Variants in GRM7 observed in about 807,000 individuals in gnomAD.
GRM7 encodes glutamate metabotropic receptor 7, also known as metabotropic glutamate receptor 7.
A neutral mutation model predicts 84.5 loss-of-function variants in GRM7; 35 were observed. That is an observed-to-expected ratio of 0.41 (90% CI 0.32 to 0.55). The LOEUF is 0.55. GRM7 is among the 20% of genes least tolerant of loss of function. The probability of loss-of-function intolerance (pLI) is 0.19; values close to 1 mark genes in which losing one functional copy is unlikely to be tolerated. For synonymous variants in GRM7, 487 were observed against 455.1 expected (o/e 1.07, Z -0.89); for missense variants, 1,003 against 1,194.6 (o/e 0.84, Z 2.36).
intron 7 of GRM7, among the ~76,000 whole-genome samples, chr3:7,477,433 C>A (rs113539984): frequency 1.8e-4 from 28 of 152,254 alleles, no homozygotes; most frequent in African/African-American, 5.5e-4. Flanking sequence ...AGCTCTTCAA[C>A]CCTGACGCAA....
At chr3:7,327,771 T>G (rs575998854) in intron 4 of GRM7, among the ~76,000 whole-genome samples, 22 of 152,296 alleles carry the variant, frequency 1.4e-4, no homozygotes, top group African/African-American at 5.3e-4. Flanking sequence ...GTCATAATAT[T>G]TGCATGTTTA....
chr3:7,077,947 A>G (rs1698150039), intron 1 of GRM7, among the ~76,000 whole-genome samples: 1 of 152,144 alleles, frequency 6.6e-6, no homozygotes, highest in African/African-American at 2.4e-5. Context: ...GAAAAGAACC[A>G]GATAATAAAT....
chr3:7,498,651 G>A (rs1374244467), intron 7 of GRM7, among the ~76,000 whole-genome samples: 1 of 152,174 alleles, frequency 6.6e-6, no homozygotes, highest in Non-Finnish European at 1.5e-5. Flanking sequence ...GTGACCAGCA[G>A]TAGATTCTCA....
intron 7 of GRM7, among the ~76,000 whole-genome samples, chr3:7,501,496 A>C (rs1393399290): frequency 6.6e-6 from 1 of 152,168 alleles, no homozygotes; most frequent in African/African-American, 2.4e-5. Context: ...TAGCCATCTG[A>C]GTTTGGCACT....
chr3:7,276,419 C>G (rs1699059288), intron 2 of GRM7, among the ~76,000 whole-genome samples: 1 of 151,826 alleles, frequency 6.6e-6, no homozygotes, highest in Non-Finnish European at 1.5e-5. Flanking sequence ...GCAGCGGCCA[C>G]TTAAAGAAGC....
intron 8 of GRM7, among the ~76,000 whole-genome samples, chr3:7,664,764 A>G (rs1019665274): frequency 1.1e-4 from 17 of 152,194 alleles, no homozygotes; most frequent in Non-Finnish European, 1.0e-4. Context: ...AAAATTATAA[A>G]GATACTGGGG....
intron 1 of GRM7, among the ~76,000 whole-genome samples, chr3:6,943,396 T>A (rs1224494425): frequency 6.6e-6 from 1 of 152,030 alleles, no homozygotes; most frequent in African/African-American, 2.4e-5. Flanking sequence ...GTGTTATGAA[T>A]TAAAGTTGAT....
Position 7,398,411 on chromosome 3 carries a change from G to A in GRM7, c.1034-16612G>A, listed in dbSNP as rs139421884. ...AGAGGGGAACCAGGATGAATGCACA[G>A]AAATTAGAGAAACAAACCTTAGCTT... On this transcript the variant is annotated intron_variant, in intron 4 of 9. Coordinates refer to ENST00000357716, the MANE Select transcript of GRM7 (RefSeq NM_000844.4). Among the ~76,000 whole-genome samples the A allele has an allele frequency of 3.5e-4, 53 of 152,242 alleles. No individual in the cohort carries two copies. The East Asian group carries it at 9.3e-3, about 27-fold the overall frequency.
chr3:7,000,296 T>C (rs1694965383), intron 1 of GRM7, among the ~76,000 whole-genome samples: 1 of 151,838 alleles, frequency 6.6e-6, no homozygotes, highest in African/African-American at 2.4e-5. Flanking sequence ...CTCAGCCTCC[T>C]GAGTAGCTGA....
chr3:7,324,728 CT>C (rs1019462535), intron 4 of GRM7, among the ~76,000 whole-genome samples: 8 of 151,884 alleles, frequency 5.3e-5, no homozygotes, highest in African/African-American at 1.9e-4. Context: ...AAAGCCGTTG[CT>C]TTTTTTTCAA....
intron 7 of GRM7, among the ~76,000 whole-genome samples, chr3:7,495,294 T>G (rs900403075): frequency 2.0e-5 from 3 of 152,128 alleles, no homozygotes; most frequent in African/African-American, 7.2e-5. Flanking sequence ...GGAGGAGCAC[T>G]GTGGTGGTAT....
chr3:7,371,654 A>G (rs1408825422), intron 4 of GRM7, among the ~76,000 whole-genome samples: 1 of 152,176 alleles, frequency 6.6e-6, no homozygotes, highest in African/African-American at 2.4e-5. Flanking sequence ...CACTTTGCTC[A>G]GTCTCTTTTC....
intron 9 of GRM7, among the ~76,000 whole-genome samples, chr3:7,702,483 T>A (rs1213856312): frequency 1.3e-5 from 2 of 152,246 alleles, no homozygotes; most frequent in African/African-American, 4.8e-5. Flanking sequence ...ATAAACATTT[T>A]AATCTGGCTT....
chr3:7,179,053 C>T (rs182486461), intron 2 of GRM7, among the ~76,000 whole-genome samples: 22 of 152,070 alleles, frequency 1.4e-4, no homozygotes, highest in Admixed American at 7.9e-4. Flanking sequence ...TTGCAGTGAG[C>T]GGAGATTGTG....
intron 2 of GRM7, among the ~76,000 whole-genome samples, chr3:7,198,845 G>A (rs1015353597): frequency 1.3e-5 from 2 of 152,158 alleles, no homozygotes; most frequent in Non-Finnish European, 2.9e-5. Context: ...TACATTTAGA[G>A]TGTTACGTTT....
At chr3:7,600,728 A>G (rs1007320742) in intron 8 of GRM7, among the ~76,000 whole-genome samples, 2 of 152,178 alleles carry the variant, frequency 1.3e-5, no homozygotes, top group African/African-American at 4.8e-5. Flanking sequence ...ACCAAAGTTT[A>G]TTATAATTGA....
chr3:7,333,804 G>GA (rs2125069072), intron 4 of GRM7, among the ~76,000 whole-genome samples: 1 of 152,016 alleles, frequency 6.6e-6, no homozygotes, highest in South Asian at 2.1e-4. Flanking sequence ...GACACACTTA[G>GA]AAAAATGCAA....
chr3:7,127,999 C>A (rs927899044), intron 1 of GRM7, among the ~76,000 whole-genome samples: 2 of 151,820 alleles, frequency 1.3e-5, no homozygotes, highest in Non-Finnish European at 2.9e-5. Flanking sequence ...GTAGGAAACA[C>A]ACACTATAAT....
At chr3:7,684,477 C>G (rs932066715) in intron 9 of GRM7, among the ~76,000 whole-genome samples, 1 of 152,204 alleles carries the variant, frequency 6.6e-6, no homozygotes, top group Non-Finnish European at 1.5e-5. Flanking sequence ...AGTGTTTTCA[C>G]TTTTAACAGC....
Sources: allele counts gnomAD v4.1 joint callset (sites outside exome capture counted in the v4.1 genomes callset), GRCh38; gene constraint gnomAD v4.1.1; transcripts MANE v1.5; gene names NCBI Gene and HGNC (gene_info 2026-07-23, HGNC 2026-07-21).